The following MAD1L1 variants were observed in gnomAD, a reference collection of about 807,000 sequenced individuals.
MAD1L1 encodes the protein mitotic spindle assembly checkpoint protein MAD1.
MAD1L1 carries 95 observed loss-of-function variants against 96.9 expected under a neutral mutation model. The observed-to-expected ratio is 0.98, with a 90% CI of 0.83 to 1.16. The LOEUF is 1.16. MAD1L1 is among the 50% of genes most tolerant of loss of function. The pLI is 0.00. For missense variants in MAD1L1, 1,007 were observed against 954.4 expected, an observed-to-expected ratio of 1.06 and a Z score of -0.73; for synonymous variants, 473 against 396.6, an observed-to-expected ratio of 1.19 and a Z score of -2.29.
At chr7:2,168,203 T>C (rs1790532458) in intron 10 of MAD1L1, among the ~76,000 whole-genome samples, 1 of 152,052 alleles carries the variant, frequency 6.6e-6, no homozygotes, top group Non-Finnish European at 1.5e-5. Flanking sequence ...GAGAATGGCT[T>C]GAACCCAGGA....
intron 14 of MAD1L1, among the ~76,000 whole-genome samples, chr7:1,996,217 C>G (rs1238783756): frequency 6.6e-4 from 97 of 147,100 alleles, no homozygotes; most frequent in African/African-American, 2.5e-3. Flanking sequence ...ACACACGGCT[C>G]CTGGGCGGGC....
At chr7:2,195,211 C>G (rs1562359790) in intron 10 of MAD1L1, among the ~76,000 whole-genome samples, 1 of 152,152 alleles carries the variant, frequency 6.6e-6, no homozygotes, top group African/African-American at 2.4e-5. Flanking sequence ...AATAAAAACA[C>G]CTAAACTAAA....
Position 2,114,093 on chromosome 7 carries a change from C to T in MAD1L1, c.1073+35059G>A, listed in dbSNP as rs1221126235. ...CCTTACAGCTTCTGATAACTGTACA[C>T]GGGCTCACAAGACGTTACCCTCGGG... On this transcript the variant is annotated intron_variant, in intron 11 of 18. Coordinates refer to ENST00000265854, the MANE Select transcript of MAD1L1 (RefSeq NM_001013836.2). This position sits in a 1 kb window ranked among gnomAD's most constrained non-coding sequence, Gnocchi z 4.2. 2.0e-5 allele frequency among the ~76,000 whole-genome samples: 3 copies of T among 152,226 alleles called. No homozygotes were observed. Among genetic ancestry groups the T allele is most frequent in the Non-Finnish European group, 4.4e-5 (3 of 68,040 alleles).
intron 12 of MAD1L1, among the ~76,000 whole-genome samples, chr7:2,047,920 TCACA>T (rs1415112990): frequency 2.6e-5 from 4 of 151,920 alleles, no homozygotes; most frequent in East Asian, 1.9e-4. Flanking sequence ...AATGCACAGT[TCACA>T]CAGATGTGCA....
At chr7:2,115,146 A>G (rs1182590212) in intron 11 of MAD1L1, among the ~76,000 whole-genome samples, 3 of 152,236 alleles carry the variant, frequency 2.0e-5, no homozygotes, top group Non-Finnish European at 4.4e-5. Flanking sequence ...GCACTCCCGC[A>G]GGAGGACATG....
At chr7:1,975,378 C>T (rs1013254108) in intron 15 of MAD1L1, among the ~76,000 whole-genome samples, 1 of 152,208 alleles carries the variant, frequency 6.6e-6, no homozygotes, top group African/African-American at 2.4e-5. Flanking sequence ...CCGGCCCAGC[C>T]AGCAGGTTCT....
At chr7:2,084,296 A>G (rs541819859) in intron 11 of MAD1L1, among the ~76,000 whole-genome samples, 69 of 152,306 alleles carry the variant, frequency 4.5e-4, no homozygotes, top group African/African-American at 1.1e-3. Context: ...GCCTGTCCAC[A>G]GGTGTGGCCG....
At chr7:1,977,204 G>A (rs1359685864) in intron 15 of MAD1L1, among the ~76,000 whole-genome samples, 1 of 152,252 alleles carries the variant, frequency 6.6e-6, no homozygotes, top group Non-Finnish European at 1.5e-5. Flanking sequence ...GGAGCCCACG[G>A]CTGGGGGTGG....
At chr7:1,951,866 C>A (rs144755348) in intron 16 of MAD1L1, among the ~76,000 whole-genome samples, 13 of 152,304 alleles carry the variant, frequency 8.5e-5, no homozygotes, top group Non-Finnish European at 1.9e-4. Context: ...GGTGCGCTCA[C>A]CTCTGGGCTA....
intron 11 of MAD1L1, among the ~76,000 whole-genome samples, chr7:2,096,724 C>T (rs1245879415): frequency 1.3e-5 from 2 of 152,190 alleles, no homozygotes; most frequent in Admixed American, 1.3e-4. Flanking sequence ...CTCGTCAACT[C>T]AGGCCCCTTC....
At chr7:2,159,460 G>A (rs1309050302) in intron 10 of MAD1L1, among the ~76,000 whole-genome samples, 2 of 152,202 alleles carry the variant, frequency 1.3e-5, no homozygotes, top group Non-Finnish European at 1.5e-5. Flanking sequence ...TCCTCCTGGT[G>A]CTCTCCTCCT....
chr7:1,910,678 G>A (rs1169150983), intron 17 of MAD1L1, among the ~76,000 whole-genome samples: 2 of 152,206 alleles, frequency 1.3e-5, no homozygotes, highest in Non-Finnish European at 2.9e-5. Context: ...CCCGTGTCCT[G>A]GCCTCTCTTC....
chr7:1,934,939 G>A (rs1473605691), intron 17 of MAD1L1, among the ~76,000 whole-genome samples: 1 of 151,590 alleles, frequency 6.6e-6, no homozygotes, highest in Admixed American at 6.6e-5. Context: ...GTGAACCCGA[G>A]ACGGGCAGAG....
intron 7 of MAD1L1, 55 bp from the exon 8 acceptor site, chr7:2,216,342 G>C (rs574021080): frequency 1.3e-6 from 2 of 1,574,972 alleles, no homozygotes; most frequent in African/African-American, 2.7e-5. Context: ...AAGAGACCTG[G>C]AGAAAATCAC....
At chr7:2,113,308 G>T (rs977766396) in intron 11 of MAD1L1, among the ~76,000 whole-genome samples, 3 of 152,208 alleles carry the variant, frequency 2.0e-5, no homozygotes, top group Non-Finnish European at 1.5e-5. Context: ...GGCTGGGCAC[G>T]GTGGCTCACA....
At chr7:1,982,082 A>G (rs1014327157) in intron 14 of MAD1L1, among the ~76,000 whole-genome samples, 2 of 152,138 alleles carry the variant, frequency 1.3e-5, no homozygotes, top group Non-Finnish European at 2.9e-5. Flanking sequence ...GCTGGTGCGC[A>G]TGCCAGCAAC....
chr7:2,157,309 G>A (rs1047261630), intron 10 of MAD1L1, among the ~76,000 whole-genome samples: 4 of 152,162 alleles, frequency 2.6e-5, no homozygotes, highest in African/African-American at 7.2e-5. Context: ...ATCAGGAAGC[G>A]GTAATGATGG....
chr7:1,894,588 C>G (rs1346527803), intron 18 of MAD1L1, among the ~76,000 whole-genome samples: 1 of 152,186 alleles, frequency 6.6e-6, no homozygotes, highest in Non-Finnish European at 1.5e-5. Flanking sequence ...GGAGGTGAGG[C>G]TGCATGCCCA....
chr7:1,941,661 G>A (rs1432073238), intron 16 of MAD1L1, among the ~76,000 whole-genome samples: 7 of 152,254 alleles, frequency 4.6e-5, no homozygotes, highest in African/African-American at 1.7e-4. Flanking sequence ...CGGAGCCACA[G>A]TGTGAGGCCA....
Sources: allele counts gnomAD v4.1 joint callset (sites outside exome capture counted in the v4.1 genomes callset), GRCh38; gene constraint gnomAD v4.1.1; non-coding constraint Gnocchi (gnomAD v3.1); transcripts MANE v1.5; gene names NCBI Gene and HGNC (gene_info 2026-07-23, HGNC 2026-07-21).